The following PDE3A variants were observed in gnomAD, a reference collection of about 807,000 sequenced individuals.
PDE3A encodes cGMP-inhibited 3',5'-cyclic phosphodiesterase 3A.
PDE3A carries 43 observed loss-of-function variants against 98.3 expected under a neutral mutation model. That is an observed-to-expected ratio of 0.44 (90% CI 0.34 to 0.56). PDE3A has a LOEUF of 0.56. Among genes scored for constraint, PDE3A ranks in the 20% least tolerant of loss-of-function variants. PDE3A has a pLI of 0.01. For synonymous variants in PDE3A, 663 were observed against 567.9 expected (o/e 1.17, Z -2.38); for missense variants, 1,427 against 1,440.7 (o/e 0.99, Z 0.15).
chr12:20,569,374 A>G (rs1016752844), intron 2 of PDE3A, among the ~76,000 whole-genome samples: 1 of 152,204 alleles, frequency 6.6e-6, no homozygotes, highest in African/African-American at 2.4e-5. Flanking sequence ...GATGTTCTAT[A>G]TATTTTTATT....
intron 1 of PDE3A, among the ~76,000 whole-genome samples, chr12:20,553,505 C>T (rs535083962): frequency 7.5e-5 from 10 of 133,194 alleles, no homozygotes; most frequent in South Asian, 5.6e-4. Context: ...CGTGGCAGCC[C>T]GTGGCATGGC....
At chr12:20,468,221 C>G (rs1945377656) in intron 1 of PDE3A, among the ~76,000 whole-genome samples, 1 of 152,118 alleles carries the variant, frequency 6.6e-6, no homozygotes, top group Non-Finnish European at 1.5e-5. Flanking sequence ...CCTGAGCTGT[C>G]TCAGAATCAT....
At chr12:20,470,828 G>A (rs964047903) in intron 1 of PDE3A, among the ~76,000 whole-genome samples, 9 of 152,054 alleles carry the variant, frequency 5.9e-5, no homozygotes, top group African/African-American at 2.2e-4. Context: ...GATGGTATTT[G>A]GTGAAGGGGC....
chr12:20,634,980 A>C lies in PDE3A; in HGVS notation c.1925A>C (p.Glu642Ala). ...DSSDIVQNEDETECLREPLRK... is the reference protein window; with the variant it reads ...DSSDIVQNEDATECLREPLRK... ...AGTGACATTGTACAGAATGAAGATGAAACAGAGTGCCTGAGAGAGCCTCTG... is the reference window on the plus strand; with the variant it reads ...AGTGACATTGTACAGAATGAAGATGCAACAGAGTGCCTGAGAGAGCCTCTG... Residue 642 changes from glutamate (E) to alanine (A), a missense_variant, in exon 8 of 16, where the codon GAA becomes GCA. This residue lies in a region of PDE3A where 1,012 missense variants were observed against 886.5 expected (regional missense o/e 1.14). Transcript: ENST00000359062. The C allele has an allele frequency of 1.2e-6, 2 of 1,612,912 alleles. No homozygotes were observed. The highest frequency in any genetic ancestry group is 1.7e-6 in the Non-Finnish European group (2 of 1,178,892).
At chr12:20,426,275 A>G (rs753732763) in intron 1 of PDE3A, among the ~76,000 whole-genome samples, 3 of 152,178 alleles carry the variant, frequency 2.0e-5, no homozygotes, top group Non-Finnish European at 4.4e-5. Flanking sequence ...TGAGAACTGA[A>G]TATGAAAATT....
chr12:20,462,692 CATTT>C (rs1945271979), intron 1 of PDE3A, among the ~76,000 whole-genome samples: 2 of 152,106 alleles, frequency 1.3e-5, no homozygotes, highest in Middle Eastern at 3.4e-3. Context: ...TTTTATTCTT[CATTT>C]ACTCTAAACA....
At chr12:20,576,292 G>A (rs1290159210) in intron 2 of PDE3A, among the ~76,000 whole-genome samples, 1 of 151,966 alleles carries the variant, frequency 6.6e-6, no homozygotes, top group Non-Finnish European at 1.5e-5. Flanking sequence ...TGGTTTTGGA[G>A]TGAAATATTA....
chr12:20,454,117 C>T (rs940758589), intron 1 of PDE3A, among the ~76,000 whole-genome samples: 1 of 152,178 alleles, frequency 6.6e-6, no homozygotes, highest in South Asian at 2.1e-4. Context: ...TCTTTGACCT[C>T]GTGTTGTAAC....
chr12:20,633,836 C>T, intron 7 of PDE3A, 58 bp downstream of exon 7: 1 of 1,048,790 alleles, frequency 9.5e-7, no homozygotes, highest in Non-Finnish European at 1.4e-6. Context: ...TTTTTGTTTT[C>T]CTGATCAAAA....
At chr12:20,454,095 G>GTC (rs145678328) in intron 1 of PDE3A, among the ~76,000 whole-genome samples, 30,177 of 152,050 alleles carry the variant, frequency 0.2, 3,166 homozygotes, top group East Asian at 0.29. Context: ...GCCGTCATCT[G>GTC]TCTCTGTGAT....
chr12:20,391,910 C>T (rs1943922805), intron 1 of PDE3A, among the ~76,000 whole-genome samples: 1 of 151,786 alleles, frequency 6.6e-6, no homozygotes, highest in Admixed American at 6.6e-5. Context: ...ATTTGTGAAC[C>T]TTTTTTACAA....
In PDE3A at chr12:20,685,302, C is replaced by T. The variant is rs1945926300; in HGVS notation, c.*5031C>T. Among the ~76,000 whole-genome samples, 1 of 150,634 alleles carries T rather than the reference C, an allele frequency of 6.6e-6. No homozygotes were observed. The highest frequency in any genetic ancestry group is 2.5e-5 in the African/African-American group (1 of 40,728). On this transcript the variant is annotated 3_prime_UTR_variant, in exon 16 of 16. Coordinates refer to ENST00000359062, the MANE Select transcript of PDE3A (RefSeq NM_000921.5). ...TGGCGCATGTCTGTAATCCCAGCTA[C>T]CCAGGAGGCTGAGGCAGAATCGCTT...
chr12:20,635,675 C>T (rs1374979281), intron 8 of PDE3A, among the ~76,000 whole-genome samples: 1 of 151,132 alleles, frequency 6.6e-6, no homozygotes, highest in East Asian at 1.9e-4. Flanking sequence ...ATCACTTGAA[C>T]CCAGGAGGCG....
chr12:20,599,350 C>T (rs1943536721), intron 2 of PDE3A, among the ~76,000 whole-genome samples: 1 of 152,098 alleles, frequency 6.6e-6, no homozygotes, highest in African/African-American at 2.4e-5. Context: ...AAATTTTATG[C>T]TGAGTAACAC....
At chr12:20,422,161 A>G (rs949638771) in intron 1 of PDE3A, among the ~76,000 whole-genome samples, 1 of 152,118 alleles carries the variant, frequency 6.6e-6, no homozygotes, top group Non-Finnish European at 1.5e-5. Context: ...CCTGGCTAAC[A>G]CGGTGAAACT....
Position 20,679,921 on chromosome 12 carries a change from A to AC in PDE3A, c.3185-109_3185-108insC, listed in dbSNP as rs1170257912. On this transcript the variant is annotated intron_variant, in intron 15 of 15. Coordinates refer to ENST00000359062, the MANE Select transcript of PDE3A (RefSeq NM_000921.5). Reference sequence around the variant, plus strand: ...TATATATATAATATAATATAATATAATAAGGTTATGGATTAACTCCTCTTA... The same window carrying AC: ...TATATATATAATATAATATAATATAACTAAGGTTATGGATTAACTCCTCTTA... 61,020 of 309,378 alleles carry AC rather than the reference A, an allele frequency of 0.2. 9,315 individuals are homozygous for AC. Among genetic ancestry groups the AC allele is most frequent in the African/African-American group, 0.33 (15,784 of 47,342 alleles). 19.2% of individuals were successfully genotyped at this position (309,378 alleles called of 1,614,324 possible). A position where few individuals can be genotyped will look rare whatever the true frequency, so the allele number is the denominator to read the frequency against.
intron 1 of PDE3A, among the ~76,000 whole-genome samples, chr12:20,386,141 AAAT>A (rs869292744): frequency 3.2e-4 from 29 of 90,618 alleles, no homozygotes; most frequent in African/African-American, 1.2e-3. Context: ...AAATATATAT[AAAT>A]ATATATATAA....
intron 2 of PDE3A, among the ~76,000 whole-genome samples, chr12:20,603,871 A>T (rs368744928): frequency 6.6e-6 from 1 of 152,160 alleles, no homozygotes; most frequent in African/African-American, 2.4e-5. Flanking sequence ...AGGAGACAAG[A>T]GCTAAAGAAA....
At chr12:20,540,915 G>C (rs1941880782) in intron 1 of PDE3A, among the ~76,000 whole-genome samples, 1 of 151,678 alleles carries the variant, frequency 6.6e-6, no homozygotes, top group African/African-American at 2.4e-5. Context: ...ATAAAGCAAA[G>C]AGAATGTGTT....
Sources: gnomAD v4.1 joint callset for allele counts (sites outside exome capture counted in the v4.1 genomes callset) on GRCh38, gnomAD v4.1.1 for gene constraint, gnomAD v4.1.1 regional missense constraint, MANE v1.5 for transcripts, NCBI Gene and HGNC (gene_info 2026-07-23, HGNC 2026-07-21) for gene names.